Variants in CNTNAP4 observed in about 807,000 individuals in gnomAD.
CNTNAP4 encodes contactin-associated protein-like 4.
A neutral mutation model predicts 148.4 loss-of-function variants in CNTNAP4; 98 were observed. That is an observed-to-expected ratio of 0.66 (90% CI 0.56 to 0.78). The LOEUF (loss-of-function observed/expected upper bound fraction) is 0.78, where lower values mean the gene tolerates loss of function less well. Among genes scored for constraint, CNTNAP4 ranks in the 30% least tolerant of loss-of-function variants. The pLI is 0.00. For missense variants in CNTNAP4, 1,935 were observed against 1,565.6 expected, an observed-to-expected ratio of 1.24 and a Z score of -3.98; for synonymous variants, 730 against 565.1, an observed-to-expected ratio of 1.29 and a Z score of -4.14.
intron 8 of CNTNAP4, among the ~76,000 whole-genome samples, chr16:76,459,298 G>C (rs1303860148): frequency 3.9e-5 from 6 of 152,286 alleles, no homozygotes; most frequent in African/African-American, 7.2e-5. Flanking sequence ...GTACCATCAA[G>C]GATTACATAA....
In CNTNAP4 at chr16:76,462,038, G is replaced by C. The variant is rs1018241265; in HGVS notation, c.1416G>C (p.Gln472His). The C allele has an allele frequency of 1.2e-6, 2 of 1,613,776 alleles. No individual in the cohort carries two copies. Among genetic ancestry groups the C allele is most frequent in the African/African-American group, 1.3e-5 (1 of 74,914 alleles). The change falls in exon 9 of 24, where the codon CAG (glutamine) becomes CAC (histidine). Residue 472 changes from glutamine to histidine, a missense_variant. Gln to His is a conservative substitution (Grantham distance 24, BLOSUM62 0). Coordinates refer to ENST00000611870, the MANE Select transcript of CNTNAP4 (RefSeq NM_033401.5). ...ACTTGAGTGTGGCGGTGGACGGCCAGATGGCTTCTGCTGCTCCTCTGCTGG... is the reference window on the plus strand; with the variant it reads ...ACTTGAGTGTGGCGGTGGACGGCCACATGGCTTCTGCTGCTCCTCTGCTGG... ...KNHLSVAVDG[Q>H]MASAAPLLGP...
At chr16:76,372,306 ATT>A (rs57362303) in intron 3 of CNTNAP4, among the ~76,000 whole-genome samples, 2 of 140,428 alleles carry the variant, frequency 1.4e-5, no homozygotes, top group African/African-American at 2.6e-5. Context: ...GGCCCAGCTA[ATT>A]TTTTTTTTTT....
chr16:76,505,997 C>A (rs1292000453), intron 15 of CNTNAP4, among the ~76,000 whole-genome samples: 1 of 97,734 alleles, frequency 1.0e-5, no homozygotes, highest in African/African-American at 2.6e-5. Flanking sequence ...TATGGATATT[C>A]TCCAATTCTC....
rs535177377 is a variant in CNTNAP4, at chr16:76,302,831, C to T, written c.86-13582C>T. Among the ~76,000 whole-genome samples, 6 of 152,246 alleles carry T rather than the reference C, an allele frequency of 3.9e-5. No individual in the cohort carries two copies. The East Asian group carries it at 1.2e-3, about 29-fold the overall frequency. ...TCCACTGAGGGGCTCACACACCACA[C>T]ACCTGACTATCTCTCCAGAAGGGAG... On this transcript the variant is annotated intron_variant, in intron 1 of 23. Transcript: ENST00000611870.
chr16:76,365,746 C>T (rs201194628), intron 3 of CNTNAP4, among the ~76,000 whole-genome samples: 20,449 of 105,552 alleles, frequency 0.19, 2,084 homozygotes, highest in East Asian at 0.49. Context: ...AGTGAGACTC[C>T]GTCTCAAAAA....
chr16:76,403,329 G>A (rs781171502), intron 3 of CNTNAP4, among the ~76,000 whole-genome samples: 3 of 152,096 alleles, frequency 2.0e-5, no homozygotes, highest in African/African-American at 4.8e-5. Context: ...TCCTGACCTC[G>A]TGATCCACCC....
intron 1 of CNTNAP4, among the ~76,000 whole-genome samples, chr16:76,298,478 G>T (rs1247874531): frequency 7.0e-6 from 1 of 143,768 alleles, no homozygotes; most frequent in African/African-American, 2.8e-5. Context: ...GCACATGTGT[G>T]TACATGTATG....
At chr16:76,339,606 G>C (rs964052516) in intron 2 of CNTNAP4, among the ~76,000 whole-genome samples, 1 of 152,162 alleles carries the variant, frequency 6.6e-6, no homozygotes, top group African/African-American at 2.4e-5. Flanking sequence ...TGTCGCCTTT[G>C]CTCATTACAA....
chr16:76,455,384 G>C lies in CNTNAP4; in HGVS notation c.1333+2615G>C, dbSNP rs546671617. On this transcript the variant is annotated intron_variant, in intron 8 of 23. Transcript: ENST00000611870. ...GAGGCAGGCTTGCAGTATTTGAGAT[G>C]TTTCTGCATTTTTCTATTACTAAGC... 2.0e-5 allele frequency among the ~76,000 whole-genome samples: 3 copies of C among 152,276 alleles called. No homozygotes were observed. In the East Asian group the frequency reaches 5.8e-4, roughly 29 times the overall value.
chr16:76,357,369 G>T (rs2012819560), intron 3 of CNTNAP4, among the ~76,000 whole-genome samples: 1 of 152,118 alleles, frequency 6.6e-6, no homozygotes, highest in Admixed American at 6.5e-5. Context: ...AAGCAAGCTT[G>T]GGGAAAGCCA....
intron 3 of CNTNAP4, among the ~76,000 whole-genome samples, chr16:76,380,470 A>G (rs1263333463): frequency 1.3e-5 from 2 of 152,208 alleles, no homozygotes; most frequent in Non-Finnish European, 2.9e-5. Context: ...GCTATACTTT[A>G]AAGGGAAATT....
intron 1 of CNTNAP4, among the ~76,000 whole-genome samples, chr16:76,288,439 T>C (rs975634120): frequency 7.2e-5 from 11 of 152,172 alleles, no homozygotes; most frequent in African/African-American, 2.7e-4. Flanking sequence ...TTTGCATCTG[T>C]TGTTCCCTTT....
rs1369917505 is a variant in CNTNAP4, at chr16:76,321,925, GAGAA to G, written c.196+5405_196+5408del. On this transcript the variant is annotated intron_variant, in intron 2 of 23. Transcript: ENST00000611870. ...ACAGGATTGAAAAATCTCAAGCCTA[GAGAA>G]AGGGGAACCTGGCTGGCACAACTGG... Among the ~76,000 whole-genome samples the G allele has an allele frequency of 6.1e-3, 931 of 151,954 alleles. 9 individuals are homozygous for G. Among genetic ancestry groups the G allele is most frequent in the African/African-American group, 0.021 (884 of 41,462 alleles).
intron 2 of CNTNAP4, among the ~76,000 whole-genome samples, chr16:76,327,687 G>A (rs1267018172): frequency 6.6e-6 from 1 of 152,168 alleles, no homozygotes; most frequent in Non-Finnish European, 1.5e-5. Context: ...CTTCCCCTGG[G>A]AGTCCACTGG....
At chr16:76,368,016 T>C (rs967438349) in intron 3 of CNTNAP4, among the ~76,000 whole-genome samples, 1 of 152,180 alleles carries the variant, frequency 6.6e-6, no homozygotes, top group Non-Finnish European at 1.5e-5. Context: ...ATTTTTAAAT[T>C]AGAATTTTAA....
At position 76,329,579 on chromosome 16, in the gene CNTNAP4, G is replaced by C. The variant is rs374890495; in HGVS notation, c.196+13056G>C. On this transcript the variant is annotated intron_variant, in intron 2 of 23. Transcript: ENST00000611870. ...AGTCTTTCTTTCGATTCTCAAATAA[G>C]ACATTTTATCAAAGATTTTCTTCCT... Among the ~76,000 whole-genome samples the C allele has an allele frequency of 4.6e-5, 7 of 152,180 alleles. No individual in the cohort carries two copies. In the East Asian group the frequency reaches 7.7e-4, roughly 17 times the overall value.
At chr16:76,522,780 C>CTTTTCTTTTCTTTTTT (rs1184582301) in intron 17 of CNTNAP4, among the ~76,000 whole-genome samples, 1 of 95,856 alleles carries the variant, frequency 1.0e-5, no homozygotes, top group Non-Finnish European at 2.4e-5. Context: ...TCTTTTCTTT[C>CTTTTCTTTTCTTTTTT]TTGACAGAGT....
intron 3 of CNTNAP4, among the ~76,000 whole-genome samples, chr16:76,395,886 G>A (rs1453851152): frequency 6.6e-6 from 1 of 151,738 alleles, no homozygotes; most frequent in Non-Finnish European, 1.5e-5. Flanking sequence ...GTCCCACAAT[G>A]GCCGGTTAAT....
intron 8 of CNTNAP4, among the ~76,000 whole-genome samples, chr16:76,455,134 A>G (rs1374239277): frequency 1.3e-5 from 2 of 152,224 alleles, no homozygotes; most frequent in African/African-American, 2.4e-5. Flanking sequence ...TAGCATCACT[A>G]TAAAATCCCT....
Sources: allele counts gnomAD v4.1 joint callset (sites outside exome capture counted in the v4.1 genomes callset), GRCh38; gene constraint gnomAD v4.1.1; transcripts MANE v1.5; gene names NCBI Gene and HGNC (gene_info 2026-07-23, HGNC 2026-07-21).